MYOF: variants seen among roughly 807,000 people sequenced by gnomAD.
The protein encoded by MYOF is myoferlin, also known as fer-1-like 3, myoferlin.
Under a neutral mutation model 284.2 loss-of-function variants are expected in MYOF, and 244 were observed. The observed-to-expected ratio is 0.86, with a 90% confidence interval of 0.77 to 0.95. The LOEUF (loss-of-function observed/expected upper bound fraction) is 0.95. MYOF is among the 40% of genes least tolerant of loss of function. The pLI is 0.00. For missense variants in MYOF, 2,496 were observed against 2,560.6 expected (o/e 0.97, Z 0.54); for synonymous variants, 904 against 919.7 (o/e 0.98, Z 0.31).
chr10:93,451,160 T>C (rs1397649588), intron 3 of MYOF, among the ~76,000 whole-genome samples: 4 of 152,008 alleles, frequency 2.6e-5, no homozygotes, highest in African/African-American at 9.7e-5. Context: ...GCCAACATGG[T>C]GAAACCCTGT....
At chr10:93,457,713 C>G (rs1051375954) in intron 1 of MYOF, among the ~76,000 whole-genome samples, 3 of 149,892 alleles carry the variant, frequency 2.0e-5, no homozygotes, top group Non-Finnish European at 3.0e-5. Flanking sequence ...GTACAAAATG[C>G]TTTGTCAGCA....
At chr10:93,470,653 CG>C (rs2057125529) in intron 1 of MYOF, among the ~76,000 whole-genome samples, 2 of 152,118 alleles carry the variant, frequency 1.3e-5, no homozygotes, top group Non-Finnish European at 2.9e-5. Context: ...CTGCTCACCT[CG>C]GCCTCCCAAA....
chr10:93,393,020 A>G (rs1846777854), intron 16 of MYOF, 65 bp from the exon 17 acceptor site: 1 of 1,423,266 alleles, frequency 7.0e-7, no homozygotes, highest in Non-Finnish European at 9.9e-7. Context: ...AGACATTGAA[A>G]ACGTTAATCA....
Position 93,442,072 on chromosome 10 carries a change from G to A in MYOF, c.236+9978C>T, listed in dbSNP as rs117660169. 1.2e-3 allele frequency among the ~76,000 whole-genome samples: 176 copies of A among 149,282 alleles called. 2 individuals carry two copies. In the East Asian group the frequency reaches 0.028, roughly 23 times the overall value. On this transcript the variant is annotated intron_variant, in intron 3 of 53. Transcript: ENST00000359263. Reference sequence around the variant, plus strand: ...AAACCTTGGAAAGTCTGGGCTCTGTGTAAGAGGATTTTAACATACCTATGT... The same window carrying A: ...AAACCTTGGAAAGTCTGGGCTCTGTATAAGAGGATTTTAACATACCTATGT...
At position 93,478,577 on chromosome 10, in the gene MYOF, TC is replaced by T. The variant is rs76193483; in HGVS notation, c.88+3529del. 4.7e-4 allele frequency among the ~76,000 whole-genome samples: 71 copies of T among 151,920 alleles called. No individual in the cohort carries two copies. The East Asian group carries it at 0.012, about 26-fold the overall frequency. ...CACAACTGGGCGCTCATACCTGTAA[TC>T]CCAATACTTTGGGAGGCCAAGCCAG... On this transcript the variant is annotated intron_variant, in intron 1 of 53. Transcript: ENST00000359263.
chr10:93,364,344 T>C (rs1845226872), intron 26 of MYOF, among the ~76,000 whole-genome samples: 1 of 152,190 alleles, frequency 6.6e-6, no homozygotes, highest in Non-Finnish European at 1.5e-5. Context: ...GAGGATGGGG[T>C]CTGGGAAAAC....
At chr10:93,319,209 AGGAT>A (rs1215091476) in intron 49 of MYOF, among the ~76,000 whole-genome samples, 1 of 152,214 alleles carries the variant, frequency 6.6e-6, no homozygotes, top group African/African-American at 2.4e-5. Context: ...CGGGGAGGAC[AGGAT>A]GTGAGCTGAG....
chr10:93,390,140 C>T lies in MYOF; in HGVS notation c.1457-986G>A, dbSNP rs1846604954. Among the ~76,000 whole-genome samples, 3 of 152,318 alleles carry T rather than the reference C, an allele frequency of 2.0e-5. No individual in the cohort carries two copies. In the South Asian group the frequency reaches 6.2e-4, roughly 32 times the overall value. On this transcript the variant is annotated intron_variant, in intron 17 of 53. Transcript: ENST00000359263. ...GACCAGATCATATCTATGGCCCTTT[C>T]CAACTCTATGCTTAAAACTAAGGGA...
chr10:93,476,025 A>C (rs1022572798), intron 1 of MYOF, among the ~76,000 whole-genome samples: 25 of 152,216 alleles, frequency 1.6e-4, no homozygotes, highest in African/African-American at 6.0e-4. Context: ...TCAGGAGATT[A>C]AACACTTTTG....
Position 93,310,031 on chromosome 10 carries a change from AGAG to A in MYOF, c.6133_6135del (p.Leu2045del). 5 of 1,614,146 alleles carry A rather than the reference AGAG, an allele frequency of 3.1e-6. No homozygotes were observed. Among genetic ancestry groups the A allele is most frequent in the Non-Finnish European group, 4.2e-6 (5 of 1,180,032 alleles). The stretch of plus-strand genomic sequence containing the variant: ...GGAAGGGCTCCTACCGGCAAAGAGT[AGAG>A]GAGCACGGCCACGAAGAGCAGCAGG... On this transcript the variant is annotated inframe_deletion, in exon 53 of 54. Coordinates refer to ENST00000359263, the MANE Select transcript of MYOF (RefSeq NM_013451.4).
rs367585261 is a variant in MYOF at position 93,426,213 on chromosome 10, T to C, written c.346-55A>G. The stretch of plus-strand genomic sequence containing the variant: ...ATCAGTGCAGGGCACCAGCATGTTA[T>C]AGACTCAATGCAAGTGACTTCAGCA... On this transcript the variant is annotated intron_variant, in intron 4 of 53. Transcript: ENST00000359263. The C allele has an allele frequency of 2.2e-4, 334 of 1,520,446 alleles. No individual in the cohort carries two copies. In the African/African-American group the frequency reaches 4.4e-3, roughly 20 times the overall value. 94.2% of individuals were successfully genotyped at this position (1,520,446 alleles called of 1,614,324 possible).
In MYOF at chr10:93,402,208, A is replaced by G. The variant is rs1249706321; in HGVS notation, c.990+24T>C. ...CCTTCTTTTTTAGTGAGAAGTGTAGAAAGTAGAGAATGTAGGGACTCACAG... is the reference window on the plus strand; with the variant it reads ...CCTTCTTTTTTAGTGAGAAGTGTAGGAAGTAGAGAATGTAGGGACTCACAG... On this transcript the variant is annotated intron_variant, in intron 11 of 53. Transcript: ENST00000359263. 4.4e-6 allele frequency: 7 copies of G among 1,589,308 alleles called. No homozygotes were observed. In the East Asian group the frequency reaches 1.6e-4, roughly 36 times the overall value.
intron 17 of MYOF, 111 bp downstream of exon 17, chr10:93,392,806 T>G (rs1846761781): frequency 1.0e-6 from 1 of 986,152 alleles, no homozygotes; most frequent in Non-Finnish European, 1.6e-6. Flanking sequence ...AGCAAAACTA[T>G]GTTGAGACAG....
chr10:93,361,424 C>A (rs1201473154), intron 28 of MYOF, 28 bp downstream of exon 28: 1 of 1,604,892 alleles, frequency 6.2e-7, no homozygotes, highest in Admixed American at 1.7e-5. Context: ...TGCAGAGCCC[C>A]AATCAGGTCA....
rs1165161090 is a variant in MYOF at position 93,350,103 on chromosome 10, T to C, written c.3922-134A>G. ...AACATTATCCTAGTAAGCTTGTAGG[T>C]CATCCAAAGAAAGTGGTTTTGCCCC... On this transcript the variant is annotated intron_variant, in intron 35 of 53. Coordinates refer to ENST00000359263, the MANE Select transcript of MYOF (RefSeq NM_013451.4). 3 of 910,964 alleles carry C rather than the reference T, an allele frequency of 3.3e-6. No homozygotes were observed. In the African/African-American group the frequency reaches 5.0e-5, roughly 15 times the overall value. The allele number at this position is 910,964 out of a possible 1,614,324, so 56.4% of individuals were successfully genotyped here.
At chr10:93,307,413 G>A (rs759725477) in intron 53 of MYOF, among the ~76,000 whole-genome samples, 37 of 151,802 alleles carry the variant, frequency 2.4e-4, no homozygotes, top group Non-Finnish European at 3.8e-4. Context: ...CCATTCTCCT[G>A]CCTCAGCCTC....
intron 5 of MYOF, among the ~76,000 whole-genome samples, chr10:93,410,053 C>T (rs1352605807): frequency 6.6e-6 from 1 of 152,194 alleles, no homozygotes; most frequent in African/African-American, 2.4e-5. Flanking sequence ...GCTGAGTTCT[C>T]ATTAGTGTTA....
intron 38 of MYOF, among the ~76,000 whole-genome samples, chr10:93,342,286 A>G (rs561719506): frequency 1.3e-5 from 2 of 152,294 alleles, no homozygotes; most frequent in South Asian, 4.1e-4. Flanking sequence ...TTACATATAC[A>G]TGTAATACAG....
chr10:93,324,904 C>G (rs142765658), intron 46 of MYOF, among the ~76,000 whole-genome samples: 6,953 of 152,102 alleles, frequency 0.046, 221 homozygotes, highest in Non-Finnish European at 0.067. Flanking sequence ...CTCAGCCTCC[C>G]GAGTAGCTGG....
Sources: allele counts gnomAD v4.1 joint callset (sites outside exome capture counted in the v4.1 genomes callset), GRCh38; gene constraint gnomAD v4.1.1; transcripts MANE v1.5; gene names NCBI Gene and HGNC (gene_info 2026-07-23, HGNC 2026-07-21).